Variants in DIDO1 observed in about 807,000 individuals in gnomAD.
The protein encoded by DIDO1 is death-inducer obliterator 1.
Under a neutral mutation model 99.4 loss-of-function variants are expected in DIDO1, and 16 were observed. The ratio of observed to expected loss-of-function variants is 0.16; its 90% CI spans 0.11 to 0.24. The LOEUF is 0.24. Ranked by LOEUF, DIDO1 falls within the 10% of genes least tolerant of loss-of-function variation. The pLI is 1.00. For synonymous variants in DIDO1, 1,366 were observed against 1,239.1 expected, an observed-to-expected ratio of 1.10 and a Z score of -2.15; for missense variants, 2,996 against 3,014.0, an observed-to-expected ratio of 0.99 and a Z score of 0.14.
Position 62,881,623 on chromosome 20 carries a change from G to T in DIDO1, c.4333C>A (p.Pro1445Thr). ...CTCACGTCGGCACACATCCTGTTGG[G>T]CAGGTCATCAACAGTCACTTTCGCT... ...EEAKVTVDDL[P>T]NRMCADVRRN... The change falls in exon 16 of 16, where the codon CCC (proline) becomes ACC (threonine). Residue 1445 changes from proline to threonine, a missense_variant. Around this residue, in one of 5 missense-constraint regions of DIDO1, gnomAD observed 1,562 missense variants for 1,412.6 expected, o/e 1.11. Coordinates refer to ENST00000395343, the MANE Select transcript of DIDO1 (RefSeq NM_001193369.2). This position sits in a 1 kb window ranked among gnomAD's most constrained non-coding sequence, Gnocchi z 8.3. 2 of 1,612,566 alleles carry T rather than the reference G, an allele frequency of 1.2e-6. No homozygotes were observed. The highest frequency in any genetic ancestry group is 1.7e-6 in the Non-Finnish European group (2 of 1,180,022).
At chr20:62,928,188 G>A (rs2065285322), upstream of DIDO1, among the ~76,000 whole-genome samples, 1 of 152,138 alleles carries the variant, frequency 6.6e-6, no homozygotes, top group African/African-American at 2.4e-5. Flanking sequence ...TAACTCTTGG[G>A]TACAGTTTCA....
At chr20:62,932,639 A>G (rs2065342882) in intron 1 of DIDO1, among the ~76,000 whole-genome samples, 1 of 152,156 alleles carries the variant, frequency 6.6e-6, no homozygotes, top group Non-Finnish European at 1.5e-5. Context: ...CTTCCCTCCT[A>G]CCACATTTGT....
In DIDO1 at chr20:62,894,568, A is replaced by T. The variant is rs2064474164; in HGVS notation, c.2437-20T>A. 1 of 1,601,932 alleles carries T rather than the reference A, an allele frequency of 6.2e-7. No individual in the cohort carries two copies. Among genetic ancestry groups the T allele is most frequent in the South Asian group, 1.1e-5 (1 of 90,764 alleles). ...CTGTTCCTAAAAAAGAAAAAGAAAAAAAAGTGAGGTCGTTTCTTCTCCAAA... is the reference window on the plus strand; with the variant it reads ...CTGTTCCTAAAAAAGAAAAAGAAAATAAAGTGAGGTCGTTTCTTCTCCAAA... On this transcript the variant is annotated intron_variant, in intron 10 of 15. Transcript: ENST00000395343. This position sits in a 1 kb window ranked among gnomAD's most constrained non-coding sequence, Gnocchi z 4.4.
rs774876575 is a variant in DIDO1, at chr20:62,896,433, G to T, written c.2055-41C>A. ...AAAAGGAACTACATAAGACACTTGT[G>T]TATATTAAACTTTTTGAACAGTGAG... On this transcript the variant is annotated intron_variant, in intron 7 of 15. Transcript: ENST00000395343. This position sits in a 1 kb window ranked among gnomAD's most constrained non-coding sequence, Gnocchi z 4.4. 1 of 1,596,714 alleles carries T rather than the reference G, an allele frequency of 6.3e-7. No individual in the cohort carries two copies. Among genetic ancestry groups the T allele is most frequent in the Non-Finnish European group, 8.5e-7 (1 of 1,175,534 alleles).
At chr20:62,930,705 T>C (rs2065324646), upstream of DIDO1, among the ~76,000 whole-genome samples, 2 of 152,238 alleles carry the variant, frequency 1.3e-5, no homozygotes, top group Non-Finnish European at 2.9e-5. Flanking sequence ...CAGTGTCTTA[T>C]CATTTGTATG....
chr20:62,882,657 C>G (rs6011443), intron 15 of DIDO1, among the ~76,000 whole-genome samples: 11,857 of 152,136 alleles, frequency 0.078, 507 homozygotes, highest in African/African-American at 0.11. Context: ...CCAGTCCTCC[C>G]GGAGCCATGT....
chr20:62,883,838 C>CAAAACAA (rs970508834), intron 15 of DIDO1, among the ~76,000 whole-genome samples: 2 of 150,184 alleles, frequency 1.3e-5, no homozygotes, highest in South Asian at 2.1e-4. Context: ...AAAAACAAAA[C>CAAAACAA]AAAACAAAAA....
chr20:62,892,512 C>T (rs772602099), intron 13 of DIDO1, among the ~76,000 whole-genome samples: 1 of 152,152 alleles, frequency 6.6e-6, no homozygotes, highest in Non-Finnish European at 1.5e-5. Flanking sequence ...CTGGCTGTGC[C>T]GGTGGCTGTG....
chr20:62,884,066 C>A (rs2064256198), intron 15 of DIDO1, among the ~76,000 whole-genome samples: 1 of 152,152 alleles, frequency 6.6e-6, no homozygotes, highest in Admixed American at 6.5e-5. Flanking sequence ...ATATCAAAGA[C>A]TCCCTAAGGC....
chr20:62,883,719 G>C (rs1302118713), intron 15 of DIDO1, among the ~76,000 whole-genome samples: 1 of 152,248 alleles, frequency 6.6e-6, no homozygotes, highest in African/African-American at 2.4e-5. Context: ...CAGCTACTCA[G>C]GAGGCTGAGG....
In DIDO1 at chr20:62,879,134, T is replaced by G; in HGVS notation, c.*99A>C. ...TACAGTAATGTTTAAGTCCAGAATA[T>G]TCTATCCTGAATCTAAGATCGTGGC... On this transcript the variant is annotated 3_prime_UTR_variant, in exon 16 of 16. Transcript: ENST00000395343. The surrounding 1 kb of genome is among the most constrained non-coding windows in gnomAD (Gnocchi z 6.3). 6.2e-6 allele frequency: 7 copies of G among 1,137,612 alleles called. No individual in the cohort carries two copies. Among genetic ancestry groups the G allele is most frequent in the Non-Finnish European group, 8.2e-6 (7 of 849,670 alleles). 70.5% of individuals were successfully genotyped at this position (1,137,612 alleles called of 1,614,324 possible). A position where few individuals can be genotyped will look rare whatever the true frequency, so the allele number is the denominator to read the frequency against.
At position 62,907,291 on chromosome 20, in the gene DIDO1, C is replaced by G. The variant is rs563011033; in HGVS notation, c.1230G>C (p.Ser410=). The part of the protein sequence containing the change: ...PGCCHVAQPD[S]VYCSNDCILK... ...GGATACAGTCATTACTGCAGTACAC[C>G]GAGTCGGGCTGCGCCACGTGACAGC... is the stretch of plus-strand genomic sequence containing the variant. Residue 410 remains serine, a synonymous_variant, in exon 5 of 16, where the codon TCG becomes TCC. Coordinates refer to ENST00000395343, the MANE Select transcript of DIDO1 (RefSeq NM_001193369.2). 5.6e-6 allele frequency: 9 copies of G among 1,614,218 alleles called. No individual in the cohort carries two copies. The highest frequency in any genetic ancestry group is 6.8e-6 in the Non-Finnish European group (8 of 1,180,050).
At position 62,879,733 on chromosome 20, in the gene DIDO1, C is replaced by A. The variant is rs1568819017; in HGVS notation, c.6223G>T (p.Gly2075Cys). 1 of 1,611,722 alleles carries A rather than the reference C, an allele frequency of 6.2e-7. No homozygotes were observed. The highest frequency in any genetic ancestry group is 2.2e-5 in the East Asian group (1 of 44,850). ...AAAGTCTGGTTTCTGTATTCGTGGC[C>A]TTTCCCCTCTCGGAAGTCGGCCGAT... ...WASADFREGK[G>C]HEYRNQTFEG... Residue 2075 changes from glycine (G) to cysteine (C), a missense_variant, in exon 16 of 16, where the codon GGC becomes TGC. Gly to Cys is a radical substitution (Grantham distance 159). Transcript: ENST00000395343. The surrounding 1 kb of genome is among the most constrained non-coding windows in gnomAD (Gnocchi z 6.3).
At chr20:62,887,300 GC>G (rs1263453007) in intron 15 of DIDO1, 1 of 985,318 alleles carries the variant, frequency 1.0e-6, no homozygotes, top group African/African-American at 1.7e-5. Flanking sequence ...CAATTTCCAT[GC>G]AAAGCTACTG....
Position 62,879,102 on chromosome 20 carries a change from AC to A in DIDO1, c.*130del. The A allele has an allele frequency of 1.2e-6, 1 of 803,184 alleles. No homozygotes were observed. 49.8% of individuals were successfully genotyped at this position (803,184 alleles called of 1,614,324 possible). On this transcript the variant is annotated 3_prime_UTR_variant, in exon 16 of 16. Transcript: ENST00000395343. This position sits in a 1 kb window ranked among gnomAD's most constrained non-coding sequence, Gnocchi z 6.3. ...TGAAATCTTGTAAGAAACCATTTACACAAAATTACAGTAATGTTTAAGTCCA... is the reference window on the plus strand; with the variant it reads ...TGAAATCTTGTAAGAAACCATTTACAAAAATTACAGTAATGTTTAAGTCCA...
At chr20:62,910,407 C>T (rs190158433) in intron 3 of DIDO1, among the ~76,000 whole-genome samples, 2 of 152,242 alleles carry the variant, frequency 1.3e-5, no homozygotes, top group Non-Finnish European at 2.9e-5. Context: ...GCACATGCCC[C>T]TCTGCTATGT....
rs2064469220 is a variant in DIDO1 at position 62,894,388 on chromosome 20, G to A, written c.2572+25C>T. On this transcript the variant is annotated intron_variant, in intron 11 of 15. Transcript: ENST00000395343. The surrounding 1 kb of genome is among the most constrained non-coding windows in gnomAD (Gnocchi z 4.4). ...AATCAAGTTTAGTCTCAGCTCCAAG[G>A]CTCCATCCCCTGCACTGTGCTCACC... 6.2e-7 allele frequency: 1 copy of A among 1,605,484 alleles called. No homozygotes were observed. Among genetic ancestry groups the A allele is most frequent in the African/African-American group, 1.3e-5 (1 of 74,888 alleles).
At chr20:62,928,637 A>C (rs2065291604), upstream of DIDO1, 1 of 152,198 alleles carries the variant, frequency 6.6e-6, no homozygotes, top group Non-Finnish European at 1.5e-5. Flanking sequence ...TTCCTAACCG[A>C]ATTTATTTTA....
chr20:62,915,237 G>A (rs1399136849), intron 1 of DIDO1, among the ~76,000 whole-genome samples: 1 of 152,154 alleles, frequency 6.6e-6, no homozygotes, highest in Non-Finnish European at 1.5e-5. Context: ...CTGCTTGGGA[G>A]GACTGCTTGA....
Sources: gnomAD v4.1 joint callset for allele counts (sites outside exome capture counted in the v4.1 genomes callset) on GRCh38, gnomAD v4.1.1 for gene constraint, gnomAD v4.1.1 regional missense constraint, Gnocchi (gnomAD v3.1) non-coding constraint, MANE v1.5 for transcripts, NCBI Gene and HGNC (gene_info 2026-07-23, HGNC 2026-07-21) for gene names.